Variants in RBFOX1 observed in about 807,000 individuals in gnomAD.
RBFOX1 encodes RNA binding fox-1 homolog 1.
A neutral mutation model predicts 57.7 loss-of-function variants in RBFOX1; 8 were observed. That is an observed-to-expected ratio of 0.14 (90% CI 0.08 to 0.25). The LOEUF (loss-of-function observed/expected upper bound fraction) is 0.25. Among genes scored for constraint, RBFOX1 ranks in the 10% least tolerant of loss-of-function variants. The probability of loss-of-function intolerance (pLI) is 1.00; values close to 1 mark genes in which losing one functional copy is unlikely to be tolerated. For synonymous variants in RBFOX1, 326 were observed against 222.4 expected (o/e 1.47, Z -4.15); for missense variants, 611 against 548.5 (o/e 1.11, Z -1.14).
At chr16:7,034,908 G>C (rs946230055) in intron 3 of RBFOX1, among the ~76,000 whole-genome samples, 4 of 125,892 alleles carry the variant, frequency 3.2e-5, no homozygotes, top group Admixed American at 9.3e-5. Context: ...GAGTGCAGTG[G>C]CGTGATCTCT....
chr16:7,183,838 A>G (rs1396732536), intron 4 of RBFOX1, among the ~76,000 whole-genome samples: 1 of 152,232 alleles, frequency 6.6e-6, no homozygotes, highest in African/African-American at 2.4e-5. Flanking sequence ...GTGTGGTTTT[A>G]GGTACCATTC....
At chr16:6,007,753 G>A (rs1279835555) in intron 4 of RBFOX1, among the ~76,000 whole-genome samples, 5 of 152,152 alleles carry the variant, frequency 3.3e-5, no homozygotes, top group African/African-American at 4.8e-5. Flanking sequence ...ATAGCCAGGC[G>A]ATGACGATGT....
intron 2 of RBFOX1, among the ~76,000 whole-genome samples, chr16:5,521,020 C>CA (rs969493918): frequency 3.9e-5 from 6 of 152,148 alleles, no homozygotes; most frequent in African/African-American, 1.4e-4. Context: ...ATTTGGGGGA[C>CA]ATCTGTTAGG....
At chr16:7,688,419 G>A (rs1385952630) in intron 14 of RBFOX1, among the ~76,000 whole-genome samples, 1 of 152,106 alleles carries the variant, frequency 6.6e-6, no homozygotes, top group South Asian at 2.1e-4. Flanking sequence ...TTGCCCATAA[G>A]ACTTAAAGAC....
At chr16:6,044,517 C>T (rs768185325) in intron 1 of RBFOX1, among the ~76,000 whole-genome samples, 115 of 151,520 alleles carry the variant, frequency 7.6e-4, no homozygotes, top group Middle Eastern at 3.2e-3. Context: ...TCAAACAATT[C>T]CACAGGTGAG....
intron 1 of RBFOX1, among the ~76,000 whole-genome samples, chr16:5,442,187 G>A (rs1183718783): frequency 6.6e-6 from 1 of 152,252 alleles, no homozygotes; most frequent in Non-Finnish European, 1.5e-5. Flanking sequence ...AGACTGGAAA[G>A]TAGAAGATGA....
At chr16:7,556,979 C>T (rs2088726727) in intron 5 of RBFOX1, among the ~76,000 whole-genome samples, 1 of 152,180 alleles carries the variant, frequency 6.6e-6, no homozygotes, top group African/African-American at 2.4e-5. Context: ...CAACGACATC[C>T]TCCTCCTCAT....
intron 3 of RBFOX1, among the ~76,000 whole-genome samples, chr16:7,007,542 A>G (rs906727390): frequency 6.6e-6 from 1 of 152,174 alleles, no homozygotes; most frequent in African/African-American, 2.4e-5. Flanking sequence ...ATCTTGGGGA[A>G]GTGGGGCATA....
At chr16:6,899,007 G>A (rs986044155) in intron 3 of RBFOX1, among the ~76,000 whole-genome samples, 7 of 73,310 alleles carry the variant, frequency 9.5e-5, no homozygotes, top group African/African-American at 6.8e-4. Flanking sequence ...ATGCGTGTAT[G>A]CATGCGCGTC....
intron 5 of RBFOX1, among the ~76,000 whole-genome samples, chr16:7,523,992 C>A (rs1199332779): frequency 6.6e-6 from 1 of 152,176 alleles, no homozygotes; most frequent in Non-Finnish European, 1.5e-5. Context: ...CACCCTATAT[C>A]CATGACCCTG....
intron 1 of RBFOX1, among the ~76,000 whole-genome samples, chr16:6,310,975 G>A (rs1161746241): frequency 6.6e-6 from 1 of 151,780 alleles, no homozygotes; most frequent in Non-Finnish European, 1.5e-5. Flanking sequence ...TGTTATCAGA[G>A]ATGCTAGGAC....
intron 3 of RBFOX1, among the ~76,000 whole-genome samples, chr16:6,885,392 A>C (rs945674604): frequency 1.3e-5 from 2 of 152,306 alleles, no homozygotes; most frequent in South Asian, 4.2e-4. Flanking sequence ...TCATGAGTCA[A>C]AACCAAGAAT....
At position 6,482,140 on chromosome 16, in the gene RBFOX1, C is replaced by G. The variant is rs553457661; in HGVS notation, c.-64+165083C>G. On this transcript the variant is annotated intron_variant, in intron 2 of 15. Transcript: ENST00000550418. ...TGTATACAAGTTGTATACTTTAACT[C>G]AAATAAAGTATCCAAGAAGGACACA... Among the ~76,000 whole-genome samples the G allele has an allele frequency of 9.9e-5, 15 of 152,274 alleles. 1 individual carries two copies. The South Asian group carries it at 2.3e-3, about 23-fold the overall frequency.
chr16:7,339,154 T>A (rs1422404685), intron 4 of RBFOX1, among the ~76,000 whole-genome samples: 1 of 152,130 alleles, frequency 6.6e-6, no homozygotes. Flanking sequence ...TCAATTAACC[T>A]CACCAAGCCT....
chr16:7,459,402 C>T (rs925384158), intron 4 of RBFOX1, among the ~76,000 whole-genome samples: 2 of 152,198 alleles, frequency 1.3e-5, no homozygotes, highest in Non-Finnish European at 2.9e-5. Context: ...TGCCTTCCTT[C>T]CTTCTCTGGC....
At chr16:5,764,526 T>A (rs1234097726) in intron 3 of RBFOX1, among the ~76,000 whole-genome samples, 1 of 152,204 alleles carries the variant, frequency 6.6e-6, no homozygotes, top group African/African-American at 2.4e-5. Context: ...CAAGAATGGC[T>A]TAACACAGCT....
rs147481847 is a variant in RBFOX1, at chr16:7,644,935, G to C, written c.758-8880G>C. On this transcript the variant is annotated intron_variant, in intron 11 of 15. Coordinates refer to ENST00000550418, the MANE Select transcript of RBFOX1 (RefSeq NM_018723.4). The stretch of plus-strand genomic sequence containing the variant: ...TCACTGTTAGAGCCTGGACAAAGGA[G>C]AGAGAATCTGCCAAAAGCCACTGAA... 4.2e-3 allele frequency among the ~76,000 whole-genome samples: 645 copies of C among 152,284 alleles called. 3 individuals carry two copies. Among genetic ancestry groups the C allele is most frequent in the African/African-American group, 0.015 (612 of 41,560 alleles).
At chr16:5,551,169 A>T (rs1054741151) in intron 2 of RBFOX1, among the ~76,000 whole-genome samples, 2 of 152,140 alleles carry the variant, frequency 1.3e-5, no homozygotes, top group African/African-American at 4.8e-5. Context: ...CTGGCTTGAG[A>T]TAAGTAACTG....
intron 4 of RBFOX1, among the ~76,000 whole-genome samples, chr16:7,102,219 C>T (rs959899197): frequency 3.9e-5 from 6 of 152,256 alleles, no homozygotes; most frequent in East Asian, 1.9e-4. Flanking sequence ...TGAGGAAATT[C>T]GGGCTGGAGA....
Sources: allele counts gnomAD v4.1 joint callset (sites outside exome capture counted in the v4.1 genomes callset), GRCh38; gene constraint gnomAD v4.1.1; transcripts MANE v1.5; gene names NCBI Gene and HGNC (gene_info 2026-07-23, HGNC 2026-07-21).